CDH1: variants seen among roughly 807,000 people sequenced by gnomAD.
The protein encoded by CDH1 is cadherin 1.
In CDH1, 35 loss-of-function variants were observed where a neutral mutation model predicts 84.5. The observed-to-expected ratio is 0.41, with a 90% CI of 0.32 to 0.55. The LOEUF (loss-of-function observed/expected upper bound fraction) is 0.55, where lower values mean the gene tolerates loss of function less well. Among genes scored for constraint, CDH1 ranks in the 20% least tolerant of loss-of-function variants. The pLI is 0.19. For missense variants in CDH1, 994 were observed against 1,126.6 expected (o/e 0.88, Z 1.68); for synonymous variants, 417 against 439.0 (o/e 0.95, Z 0.63).
intron 2 of CDH1, among the ~76,000 whole-genome samples, chr16:68,800,747 G>T (rs138358778): frequency 5.7e-4 from 87 of 152,274 alleles, no homozygotes; most frequent in Middle Eastern, 6.8e-3. Flanking sequence ...GCTCAGATGG[G>T]CCTACCTCAG....
Position 68,769,854 on chromosome 16 carries a change from ATTC to A in CDH1, c.163+31446_163+31448del, listed in dbSNP as rs560028033. ...CATCACGCCTGGCTAATTTTTTTGT[ATTC>A]TTAGTAGAGACGGGGTTTCACCGTG... On this transcript the variant is annotated intron_variant, in intron 2 of 15. Transcript: ENST00000261769. Among the ~76,000 whole-genome samples the A allele has an allele frequency of 1.9e-3, 289 of 151,476 alleles. 1 individual carries two copies. The highest frequency in any genetic ancestry group is 6.6e-3 in the African/African-American group (274 of 41,316).
At chr16:68,801,191 AACCTCC>A (rs1960489399) in intron 2 of CDH1, among the ~76,000 whole-genome samples, 1 of 152,182 alleles carries the variant, frequency 6.6e-6, no homozygotes, top group African/African-American at 2.4e-5. Context: ...AGCTCACTGC[AACCTCC>A]ACCTTACAGG....
rs1311692419 is a variant in CDH1, at chr16:68,743,336, T to C, written c.163+4925T>C. Among the ~76,000 whole-genome samples the C allele has an allele frequency of 6.6e-3, 216 of 32,656 alleles. 12 individuals carry two copies. Among genetic ancestry groups the C allele is most frequent in the Non-Finnish European group, 0.013 (174 of 13,758 alleles). The allele number at this position is 32,656 out of a possible 152,430, so 21.4% of individuals were successfully genotyped here. On this transcript the variant is annotated intron_variant, in intron 2 of 15. Coordinates refer to ENST00000261769, the MANE Select transcript of CDH1 (RefSeq NM_004360.5). The stretch of plus-strand genomic sequence containing the variant: ...CTTTCTTTCTTTCTTTCTTTCTTTC[T>C]TTCTTTCTTTCTTTCTTTCTTTCTT...
intron 2 of CDH1, among the ~76,000 whole-genome samples, chr16:68,750,915 G>C (rs1962870372): frequency 6.6e-6 from 1 of 152,018 alleles, no homozygotes; most frequent in Non-Finnish European, 1.5e-5. Flanking sequence ...ATATTGCCCA[G>C]ACTGGTCTGG....
At chr16:68,777,725 A>G (rs926859936) in intron 2 of CDH1, among the ~76,000 whole-genome samples, 7 of 150,940 alleles carry the variant, frequency 4.6e-5, no homozygotes, top group Non-Finnish European at 8.9e-5. Flanking sequence ...GTATTTTTAA[A>G]TTTTTTATTT....
rs778212100 is a variant in CDH1, at chr16:68,813,493, A to G, written c.1318A>G (p.Lys440Glu). ...VNNDGILKTA[K>E]GLDFEAKQQY... The stretch of plus-strand genomic sequence containing the variant: ...CAACGATGGCATTTTGAAAACAGCA[A>G]AGGTTTGTATGGTACCTGGCAAGAT... The change falls in exon 9 of 16, where the codon AAG becomes GAG. Residue 440 changes from lysine (K) to glutamate (E), a missense_variant and splice_region_variant. This residue lies in a region of CDH1 where 769 missense variants were observed against 881.8 expected (regional missense o/e 0.87). Coordinates refer to ENST00000261769, the MANE Select transcript of CDH1 (RefSeq NM_004360.5). 4 of 1,614,010 alleles carry G rather than the reference A, an allele frequency of 2.5e-6. No individual in the cohort carries two copies. In the African/African-American group the frequency reaches 5.3e-5, roughly 22 times the overall value.
At chr16:68,747,835 C>T (rs951542896) in intron 2 of CDH1, among the ~76,000 whole-genome samples, 1 of 152,116 alleles carries the variant, frequency 6.6e-6, no homozygotes, top group African/African-American at 2.4e-5. Flanking sequence ...GCAATCTCAG[C>T]TTGCTGCAGT....
chr16:68,789,397 G>T (rs1053220376), intron 2 of CDH1, among the ~76,000 whole-genome samples: 2 of 152,046 alleles, frequency 1.3e-5, no homozygotes, highest in African/African-American at 4.8e-5. Context: ...AGGGATGCAG[G>T]ACAAGGGAGT....
Position 68,761,216 on chromosome 16 carries a change from G to A in CDH1, c.163+22805G>A, listed in dbSNP as rs555661686. Among the ~76,000 whole-genome samples the A allele has an allele frequency of 7.4e-4, 113 of 152,334 alleles. No individual in the cohort carries two copies. In the South Asian group the frequency reaches 8.1e-3, roughly 11 times the overall value. The stretch of plus-strand genomic sequence containing the variant: ...AAGGCTAGCAAGCTGGGAGAACTTG[G>A]AGAACCCGGACAGCAGGTCCTCTGC... On this transcript the variant is annotated intron_variant, in intron 2 of 15. Coordinates refer to ENST00000261769, the MANE Select transcript of CDH1 (RefSeq NM_004360.5).
At chr16:68,743,286 T>C (rs564614378) in intron 2 of CDH1, among the ~76,000 whole-genome samples, 3 of 3,014 alleles carry the variant, frequency 1.0e-3, no homozygotes, top group East Asian at 0.013. Context: ...TGGGTCTCTT[T>C]CTTTCTTTCT....
chr16:68,810,532 G>C (rs1960792823), intron 6 of CDH1, among the ~76,000 whole-genome samples, 191 bp downstream of exon 6: 1 of 151,962 alleles, frequency 6.6e-6, no homozygotes, highest in South Asian at 2.1e-4. Context: ...AAAATAGGGA[G>C]AGTTTAAGAA....
Position 68,829,636 on chromosome 16 carries a change from A to G in CDH1, c.2296-18A>G, listed in dbSNP as rs750381383. On this transcript the variant is annotated intron_variant, in intron 14 of 15. Transcript: ENST00000261769. The stretch of plus-strand genomic sequence containing the variant: ...TCTTTCCTACTCTTCATTGTACTTC[A>G]ACCTTTTTTCTCCAAAGGACTTTGA... The G allele has an allele frequency of 1.9e-6, 3 of 1,613,772 alleles. No individual in the cohort carries two copies. The highest frequency in any genetic ancestry group is 2.5e-6 in the Non-Finnish European group (3 of 1,179,776).
At chr16:68,782,543 A>G (rs2152122188) in intron 2 of CDH1, among the ~76,000 whole-genome samples, 1 of 152,314 alleles carries the variant, frequency 6.6e-6, no homozygotes, top group East Asian at 1.9e-4. Flanking sequence ...ATTCAAGTCC[A>G]CATCTATCTA....
chr16:68,738,526 A>T lies in CDH1; in HGVS notation c.163+115A>T. On this transcript the variant is annotated intron_variant, in intron 2 of 15. Transcript: ENST00000261769. ...TGGGCAAGCTCCCTCCTTGGCTCAA[A>T]CGACACCCCTTGGAATTTACGCAGA... is the stretch of plus-strand genomic sequence containing the variant. The T allele has an allele frequency of 1.5e-6, 1 of 647,156 alleles. No homozygotes were observed. The highest frequency in any genetic ancestry group is 2.7e-6 in the Non-Finnish European group (1 of 376,110). 40.1% of individuals were successfully genotyped at this position (647,156 alleles called of 1,614,324 possible).
At position 68,743,359 on chromosome 16, in the gene CDH1, C is replaced by CTTTCTTTCTTTTCT. The variant is rs1555510238; in HGVS notation, c.163+4955_163+4956insCTTTTCTTTTCTTT. Reference sequence around the variant, plus strand: ...TCTTTCTTTCTTTCTTTCTTTCTTTCTTTCTTTTCTTTTCTTTCTTTTGAG... The same window carrying CTTTCTTTCTTTTCT: ...TCTTTCTTTCTTTCTTTCTTTCTTTCTTTCTTTCTTTTCTTTTCTTTTCTTTTCTTTCTTTTGAG... On this transcript the variant is annotated intron_variant, in intron 2 of 15. Coordinates refer to ENST00000261769, the MANE Select transcript of CDH1 (RefSeq NM_004360.5). Among the ~76,000 whole-genome samples, 113 of 55,602 alleles carry CTTTCTTTCTTTTCT rather than the reference C, an allele frequency of 2.0e-3. 1 individual carries two copies. Among genetic ancestry groups the CTTTCTTTCTTTTCT allele is most frequent in the East Asian group, 3.4e-3 (6 of 1,776 alleles). 36.5% of individuals were successfully genotyped at this position (55,602 alleles called of 152,430 possible).
intron 2 of CDH1, among the ~76,000 whole-genome samples, chr16:68,795,886 G>C (rs191269641): frequency 3.9e-5 from 6 of 152,138 alleles, no homozygotes; most frequent in Admixed American, 1.3e-4. Flanking sequence ...AATGCAGGCC[G>C]GGTGCGGTGG....
chr16:68,771,765 AT>A (rs1555512415), intron 2 of CDH1, among the ~76,000 whole-genome samples: 4 of 92,104 alleles, frequency 4.3e-5, no homozygotes, highest in African/African-American at 1.3e-4. Flanking sequence ...AAAAAAAAAA[AT>A]TTTTTTTTTG....
chr16:68,758,951 A>G (rs781237674), intron 2 of CDH1, among the ~76,000 whole-genome samples: 16 of 151,622 alleles, frequency 1.1e-4, no homozygotes, highest in Non-Finnish European at 2.1e-4. Context: ...GCCTGCCACC[A>G]TGCCTGGCTA....
chr16:68,796,350 G>C (rs1286826700), intron 2 of CDH1, among the ~76,000 whole-genome samples: 1 of 152,210 alleles, frequency 6.6e-6, no homozygotes, highest in East Asian at 1.9e-4. Flanking sequence ...ACTCAACTAT[G>C]GTTTGCTGCC....
Sources: gnomAD v4.1 joint callset for allele counts (sites outside exome capture counted in the v4.1 genomes callset) on GRCh38, gnomAD v4.1.1 for gene constraint, gnomAD v4.1.1 regional missense constraint, MANE v1.5 for transcripts, NCBI Gene and HGNC (gene_info 2026-07-23, HGNC 2026-07-21) for gene names.